Variants in SGCZ observed in about 807,000 individuals in gnomAD.
SGCZ encodes sarcoglycan zeta, also known as zeta-sarcoglycan.
A neutral mutation model predicts 41.3 loss-of-function variants in SGCZ; 40 were observed. The observed-to-expected ratio is 0.97, with a 90% confidence interval of 0.75 to 1.26. SGCZ has a LOEUF of 1.26. SGCZ is among the 50% of genes most tolerant of loss of function. The pLI, the probability that SGCZ is intolerant of heterozygous loss-of-function variation, is 0.00. For synonymous variants in SGCZ, 206 were observed against 137.5 expected (o/e 1.50, Z -3.49); for missense variants, 552 against 369.8 (o/e 1.49, Z -4.04).
chr8:14,268,954 G>A (rs1017164627), intron 3 of SGCZ, among the ~76,000 whole-genome samples: 2 of 151,454 alleles, frequency 1.3e-5, no homozygotes, highest in Non-Finnish European at 2.9e-5. Flanking sequence ...TATATCTTAA[G>A]TGCCATTACA....
chr8:14,128,318 G>A (rs1802928303), intron 5 of SGCZ, among the ~76,000 whole-genome samples: 1 of 152,134 alleles, frequency 6.6e-6, no homozygotes, highest in Non-Finnish European at 1.5e-5. Flanking sequence ...AAATGTCACT[G>A]ATTATCAGAG....
chr8:15,107,541 T>TACCCAGTCTAC (rs1374986867), intron 1 of SGCZ, among the ~76,000 whole-genome samples: 17 of 152,202 alleles, frequency 1.1e-4, no homozygotes, highest in African/African-American at 4.1e-4. Context: ...CCCCTTCTAC[T>TACCCAGTCTAC]TTTTACCATG....
chr8:14,481,929 G>T (rs998391783), intron 2 of SGCZ, among the ~76,000 whole-genome samples: 2 of 152,064 alleles, frequency 1.3e-5, no homozygotes, highest in Non-Finnish European at 1.5e-5. Context: ...AACAAACAAC[G>T]TAAGATCTAC....
intron 1 of SGCZ, among the ~76,000 whole-genome samples, chr8:14,709,668 C>T (rs1396838973): frequency 1.3e-5 from 2 of 151,298 alleles, no homozygotes; most frequent in Non-Finnish European, 2.9e-5. Context: ...TAATCGAGGC[C>T]CAAATTTGCA....
chr8:14,913,461 A>G (rs1321120602), intron 1 of SGCZ, among the ~76,000 whole-genome samples: 1 of 152,044 alleles, frequency 6.6e-6, no homozygotes, highest in South Asian at 2.1e-4. Context: ...GTTTGTACCA[A>G]ATATAGCAAT....
At chr8:14,886,680 G>A (rs1265945432) in intron 1 of SGCZ, among the ~76,000 whole-genome samples, 1 of 152,124 alleles carries the variant, frequency 6.6e-6, no homozygotes, top group Non-Finnish European at 1.5e-5. Context: ...ATCCCAGGAG[G>A]GAAGATTTTG....
chr8:14,625,187 G>A (rs1314164643), intron 1 of SGCZ, among the ~76,000 whole-genome samples: 1 of 152,066 alleles, frequency 6.6e-6, no homozygotes, highest in Non-Finnish European at 1.5e-5. Context: ...TTAAAGATAA[G>A]TTATTCTTAT....
At chr8:14,315,563 A>G (rs1449235777) in intron 3 of SGCZ, among the ~76,000 whole-genome samples, 1 of 152,112 alleles carries the variant, frequency 6.6e-6, no homozygotes, top group Non-Finnish European at 1.5e-5. Context: ...ACTTTTGAAT[A>G]AGAAGAAAAT....
intron 1 of SGCZ, among the ~76,000 whole-genome samples, chr8:14,692,206 A>C (rs911242197): frequency 6.6e-6 from 1 of 152,078 alleles, no homozygotes; most frequent in Non-Finnish European, 1.5e-5. Context: ...ATTAATTTTT[A>C]AGAATTTCAA....
intron 1 of SGCZ, among the ~76,000 whole-genome samples, chr8:14,792,971 G>C (rs946728802): frequency 6.6e-6 from 1 of 152,086 alleles, no homozygotes; most frequent in Non-Finnish European, 1.5e-5. Context: ...TCTCAGTCTT[G>C]AACTTCTGAC....
chr8:14,203,988 C>T (rs1261864256), intron 4 of SGCZ, among the ~76,000 whole-genome samples: 1 of 151,564 alleles, frequency 6.6e-6, no homozygotes, highest in East Asian at 1.9e-4. Context: ...GGAAAGAGCG[C>T]TCCAAGAAGA....
intron 1 of SGCZ, among the ~76,000 whole-genome samples, chr8:14,799,918 T>C (rs1391782468): frequency 6.6e-6 from 1 of 152,196 alleles, no homozygotes; most frequent in African/African-American, 2.4e-5. Context: ...AAGCAGTCTC[T>C]GCCTTTCGTT....
intron 1 of SGCZ, among the ~76,000 whole-genome samples, chr8:14,899,257 C>A (rs554409193): frequency 3.9e-5 from 6 of 152,228 alleles, no homozygotes; most frequent in Non-Finnish European, 5.9e-5. Context: ...TTTAAGATCT[C>A]CTTGCCGGCA....
chr8:15,022,667 A>G (rs1359665561), intron 1 of SGCZ, among the ~76,000 whole-genome samples: 1 of 152,136 alleles, frequency 6.6e-6, no homozygotes, highest in Non-Finnish European at 1.5e-5. Context: ...ATAGAACAAC[A>G]CATAACTCAT....
chr8:14,160,731 C>T (rs2116975352), intron 5 of SGCZ, among the ~76,000 whole-genome samples: 1 of 152,122 alleles, frequency 6.6e-6, no homozygotes. Flanking sequence ...ACTTCTGTGT[C>T]CTCACACCCA....
At chr8:15,031,688 T>C (rs1274317233) in intron 1 of SGCZ, among the ~76,000 whole-genome samples, 1 of 152,148 alleles carries the variant, frequency 6.6e-6, no homozygotes, top group Non-Finnish European at 1.5e-5. Flanking sequence ...TGCTGTCAAC[T>C]ATCCATGCTA....
intron 2 of SGCZ, among the ~76,000 whole-genome samples, chr8:14,512,130 G>A (rs73190256): frequency 0.017 from 2,645 of 152,172 alleles, 40 homozygotes; most frequent in East Asian, 0.079. Flanking sequence ...TTTGAGCTGA[G>A]TATTTTCTAC....
At chr8:15,206,165 A>G (rs1390797193) in intron 1 of SGCZ, among the ~76,000 whole-genome samples, 1 of 152,206 alleles carries the variant, frequency 6.6e-6, no homozygotes, top group Non-Finnish European at 1.5e-5. Context: ...CTTCATATGT[A>G]TGCCGGAACC....
intron 1 of SGCZ, among the ~76,000 whole-genome samples, chr8:14,956,065 G>A (rs1800783026): frequency 1.5e-5 from 2 of 135,946 alleles, no homozygotes; most frequent in African/African-American, 2.7e-5. Flanking sequence ...TTTTGAGACG[G>A]AGTTTCATTC....
Sources: gnomAD v4.1 joint callset for allele counts (sites outside exome capture counted in the v4.1 genomes callset) on GRCh38, gnomAD v4.1.1 for gene constraint, MANE v1.5 for transcripts, NCBI Gene and HGNC (gene_info 2026-07-23, HGNC 2026-07-21) for gene names.